Variants in ESRRB observed in about 807,000 individuals in gnomAD.
ESRRB encodes steroid hormone receptor ERR2.
A neutral mutation model predicts 46.0 loss-of-function variants in ESRRB; 16 were observed. The observed-to-expected ratio is 0.35, with a 90% CI of 0.24 to 0.53. The LOEUF (loss-of-function observed/expected upper bound fraction) is 0.53, where lower values mean the gene tolerates loss of function less well. Ranked by LOEUF, ESRRB falls within the 20% of genes least tolerant of loss-of-function variation. ESRRB has a pLI of 0.93. For synonymous variants in ESRRB, 246 were observed against 259.6 expected, an observed-to-expected ratio of 0.95 and a Z score of 0.50; for missense variants, 488 against 607.4, an observed-to-expected ratio of 0.80 and a Z score of 2.07.
At position 76,500,278 on chromosome 14, in the gene ESRRB, G is replaced by A; in HGVS notation, c.*1820G>A. On this transcript the variant is annotated 3_prime_UTR_variant, in exon 7 of 7. Transcript: ENST00000644823. Reference sequence around the variant, plus strand: ...ATTTCAAGAGCCCTCCCAGACCAGTGATGTGTCCCTCCGGCTCCCCTTGCC... The same window carrying A: ...ATTTCAAGAGCCCTCCCAGACCAGTAATGTGTCCCTCCGGCTCCCCTTGCC... 1.7e-6 allele frequency: 1 copy of A among 600,592 alleles called. No homozygotes were observed. The highest frequency in any genetic ancestry group is 2.1e-5 in the South Asian group (1 of 48,504). The allele number at this position is 600,592 out of a possible 1,614,324, so 37.2% of individuals were successfully genotyped here.
intron 3 of ESRRB, among the ~76,000 whole-genome samples, chr14:76,473,645 C>T (rs1021553101): frequency 1.3e-5 from 2 of 152,144 alleles, no homozygotes; most frequent in South Asian, 2.1e-4. Flanking sequence ...TTTTTACTTC[C>T]GAAAGACTGG....
At chr14:76,358,311 C>CA (rs1191247686) in intron 1 of ESRRB, among the ~76,000 whole-genome samples, 2 of 23,116 alleles carry the variant, frequency 8.7e-5, no homozygotes, top group African/African-American at 1.4e-4. Context: ...GACTCTGTCT[C>CA]AAAAAAAAAA....
Position 76,439,531 on chromosome 14 carries a change from C to G in ESRRB, c.241C>G (p.Pro81Ala). Residue 81 changes from proline (P) to alanine (A), a missense_variant, in exon 2 of 7, where the codon CCC (proline) becomes GCC (alanine). Coordinates refer to ENST00000644823, the MANE Select transcript of ESRRB (RefSeq NM_001379180.1). ...GTHANGLDSP[P>A]MFAGAGLGGT... is the part of the protein sequence containing the mutation. ...CCACGCCAACGGTCTGGACTCGCCA[C>G]CCATGTTTGCAGGCGCCGGGCTGGG... 6.2e-7 allele frequency: 1 copy of G among 1,613,700 alleles called. No homozygotes were observed. The highest frequency in any genetic ancestry group is 8.5e-7 in the Non-Finnish European group (1 of 1,179,972).
intron 1 of ESRRB, among the ~76,000 whole-genome samples, chr14:76,332,818 AT>A (rs373457791): frequency 3.9e-4 from 10 of 25,712 alleles, no homozygotes; most frequent in Non-Finnish European, 4.5e-4. Flanking sequence ...TATATTATAT[AT>A]TTATATATTT....
chr14:76,318,049 G>A (rs939481779), intron 1 of ESRRB, among the ~76,000 whole-genome samples: 1 of 152,142 alleles, frequency 6.6e-6, no homozygotes, highest in Non-Finnish European at 1.5e-5. Context: ...AACTGTCAGG[G>A]TTCCTTTTTC....
chr14:76,390,527 A>C (rs1331999277), intron 1 of ESRRB, among the ~76,000 whole-genome samples: 1 of 152,194 alleles, frequency 6.6e-6, no homozygotes, highest in Non-Finnish European at 1.5e-5. Context: ...AGATAAATAT[A>C]AGGTACTTAT....
chr14:76,463,607 C>T (rs1209378855), intron 3 of ESRRB, among the ~76,000 whole-genome samples: 18 of 151,788 alleles, frequency 1.2e-4, no homozygotes, highest in Admixed American at 9.8e-4. Context: ...CCACCTCGCC[C>T]GGCTAATTTT....
chr14:76,419,171 T>C (rs1243454282), intron 1 of ESRRB, among the ~76,000 whole-genome samples: 1 of 152,044 alleles, frequency 6.6e-6, no homozygotes, highest in African/African-American at 2.4e-5. Context: ...TGTGCCACTG[T>C]GCCTGGCTAA....
intron 1 of ESRRB, among the ~76,000 whole-genome samples, chr14:76,343,346 T>G (rs1199387787): frequency 1.3e-5 from 2 of 152,228 alleles, no homozygotes; most frequent in African/African-American, 2.4e-5. Flanking sequence ...AATCAGTGTT[T>G]GAGAACATGG....
chr14:76,444,244 G>A (rs1287501133), intron 2 of ESRRB, among the ~76,000 whole-genome samples: 2 of 152,120 alleles, frequency 1.3e-5, no homozygotes. Context: ...TGTTGGCCAG[G>A]CTGGTCTCGA....
chr14:76,354,162 C>T (rs755052967), intron 1 of ESRRB, among the ~76,000 whole-genome samples: 5 of 149,948 alleles, frequency 3.3e-5, no homozygotes, highest in African/African-American at 9.9e-5. Context: ...TCCTCACCCC[C>T]GGGAAATCTG....
intron 1 of ESRRB, among the ~76,000 whole-genome samples, chr14:76,403,279 G>A (rs1175580598): frequency 6.6e-6 from 1 of 152,202 alleles, no homozygotes; most frequent in Non-Finnish European, 1.5e-5. Flanking sequence ...ATCAGGATTT[G>A]AACCTAGTCC....
chr14:76,317,440 C>A (rs1179172891), intron 1 of ESRRB, among the ~76,000 whole-genome samples: 1 of 151,242 alleles, frequency 6.6e-6, no homozygotes, highest in Non-Finnish European at 1.5e-5. Flanking sequence ...CAGGAAGGAA[C>A]CTATCATCCC....
intron 1 of ESRRB, among the ~76,000 whole-genome samples, chr14:76,323,245 T>A (rs1883889018): frequency 6.6e-6 from 1 of 152,190 alleles, no homozygotes; most frequent in South Asian, 2.1e-4. Context: ...GGGACATTTT[T>A]TTTCTATCTT....
intron 6 of ESRRB, among the ~76,000 whole-genome samples, chr14:76,493,157 T>TA (rs1384339566): frequency 6.6e-6 from 1 of 152,046 alleles, no homozygotes; most frequent in African/African-American, 2.4e-5. Flanking sequence ...CACTTTATTT[T>TA]ATTTTATTTT....
intron 1 of ESRRB, among the ~76,000 whole-genome samples, chr14:76,334,052 G>A (rs913705281): frequency 2.0e-5 from 3 of 152,150 alleles, no homozygotes; most frequent in African/African-American, 4.8e-5. Context: ...GCTCCTAAAC[G>A]TACAGGGCTG....
chr14:76,406,778 C>G (rs905652514), intron 1 of ESRRB, among the ~76,000 whole-genome samples: 1 of 152,116 alleles, frequency 6.6e-6, no homozygotes, highest in South Asian at 2.1e-4. Context: ...AAAACCAGTG[C>G]CCCATCCTTG....
intron 3 of ESRRB, among the ~76,000 whole-genome samples, chr14:76,469,929 G>T (rs60845276): frequency 0.13 from 10,167 of 78,030 alleles, 651 homozygotes; most frequent in African/African-American, 0.16. Context: ...GTTTTTTGTT[G>T]TTTTTTTTTT....
At position 76,500,173 on chromosome 14, in the gene ESRRB, C is replaced by T. The variant is rs1200092504; in HGVS notation, c.*1715C>T. 8 of 897,246 alleles carry T rather than the reference C, an allele frequency of 8.9e-6. No homozygotes were observed. Among genetic ancestry groups the T allele is most frequent in the Non-Finnish European group, 1.2e-5 (7 of 588,612 alleles). 55.6% of individuals were successfully genotyped at this position (897,246 alleles called of 1,614,324 possible). On this transcript the variant is annotated 3_prime_UTR_variant, in exon 7 of 7. Coordinates refer to ENST00000644823, the MANE Select transcript of ESRRB (RefSeq NM_001379180.1). ...GGGCTGGGACGTGCTGAGGTCATCC[C>T]AGACAGGAGGGAGGGCTGGCTGAAA...
Sources: allele counts gnomAD v4.1 joint callset (sites outside exome capture counted in the v4.1 genomes callset), GRCh38; gene constraint gnomAD v4.1.1; transcripts MANE v1.5; gene names NCBI Gene and HGNC (gene_info 2026-07-23, HGNC 2026-07-21).